The following TAF6 variants were observed in gnomAD, a reference collection of about 807,000 sequenced individuals.
TAF6 encodes the protein transcription initiation factor TFIID subunit 6.
A neutral mutation model predicts 73.5 loss-of-function variants in TAF6; 50 were observed. The ratio of observed to expected loss-of-function variants is 0.68; its 90% CI spans 0.54 to 0.86. The LOEUF (loss-of-function observed/expected upper bound fraction) is 0.86. Ranked by LOEUF, TAF6 falls within the 40% of genes least tolerant of loss-of-function variation. The pLI is 0.00. For synonymous variants in TAF6, 424 were observed against 376.7 expected (o/e 1.13, Z -1.45); for missense variants, 768 against 899.5 (o/e 0.85, Z 1.87).
At chr7:100,109,195 G>A (rs113821198) in intron 12 of TAF6, among the ~76,000 whole-genome samples, 2,609 of 151,600 alleles carry the variant, frequency 0.017, 63 homozygotes, top group African/African-American at 0.057. Flanking sequence ...ATGGTGGCGC[G>A]TGCCTGTGGT....
upstream of TAF6, chr7:100,122,515 T>A (rs761427171): frequency 1.2e-6 from 2 of 1,614,036 alleles, no homozygotes; most frequent in Non-Finnish European, 1.7e-6. Context: ...AGAGAATTTA[T>A]GTGAGCGGAT....
At chr7:100,123,542 C>T (rs944207362), upstream of TAF6, among the ~76,000 whole-genome samples, 2 of 151,824 alleles carry the variant, frequency 1.3e-5, no homozygotes, top group African/African-American at 2.4e-5. Context: ...TTTTTCAAGA[C>T]GGAGTTTCAC....
chr7:100,125,652 C>T, the TAF6 span: 2 of 152,206 alleles, frequency 1.3e-5, no homozygotes, highest in Non-Finnish European at 2.9e-5. Context: ...CACACACACA[C>T]ACACACAAAG....
At chr7:100,115,055 C>G (rs1296106844) in intron 1 of TAF6, among the ~76,000 whole-genome samples, 1 of 152,112 alleles carries the variant, frequency 6.6e-6, no homozygotes, top group Non-Finnish European at 1.5e-5. Flanking sequence ...GAGACAGAGT[C>G]TCACTATGTT....
In TAF6 at chr7:100,107,432, C is replaced by A; in HGVS notation, c.1848G>T (p.Glu616Asp). 6.2e-7 allele frequency: 1 copy of A among 1,611,036 alleles called. No homozygotes were observed. Among genetic ancestry groups the A allele is most frequent in the Non-Finnish European group, 8.5e-7 (1 of 1,177,880 alleles). Residue 616 changes from glutamate (E) to aspartate (D), a missense_variant, in exon 15 of 15, where the codon GAG becomes GAT. By Grantham distance (45) the Glu-to-Asp change is conservative (BLOSUM62 2). Transcript: ENST00000453269. ...YIVVSLPPTG[E>D]GKGGPTSHPS... ...GATGGGAGGTGGGGCCTCCTTTGCC[C>A]TCCCCTGTTGGGGGAAGTGAGACCA...
At chr7:100,113,579 CCCT>C in intron 4 of TAF6, 34 bp downstream of exon 4, 1 of 1,608,840 alleles carries the variant, frequency 6.2e-7, no homozygotes, top group Non-Finnish European at 8.5e-7. Context: ...GTCCTCCTTT[CCCT>C]CCTCCCTGCC....
upstream of TAF6, among the ~76,000 whole-genome samples, chr7:100,123,341 TAAAAAA>T (rs1244231818): frequency 1.4e-5 from 2 of 138,156 alleles, no homozygotes; most frequent in African/African-American, 2.7e-5. Context: ...GACTCCATCT[TAAAAAA>T]AAAAACAAAA....
At chr7:100,108,882 G>A (rs1364226596) in intron 12 of TAF6, 1 of 193,874 alleles carries the variant, frequency 5.2e-6, no homozygotes, top group Non-Finnish European at 1.1e-5. Flanking sequence ...AAACTAGCCA[G>A]GCATGGTGGC....
At chr7:100,121,117 T>TATACA (rs1491228284), upstream of TAF6, 1 of 35,162 alleles carries the variant, frequency 2.8e-5, no homozygotes, top group Non-Finnish European at 4.9e-5. Context: ...TATATATATA[T>TATACA]TTTTTTTTTT....
At chr7:100,118,178 C>T (rs1477091311) in intron 1 of TAF6, among the ~76,000 whole-genome samples, 1 of 151,942 alleles carries the variant, frequency 6.6e-6, no homozygotes, top group Non-Finnish European at 1.5e-5. Flanking sequence ...ATGGTGAAAC[C>T]CTGTCTTTTT....
At chr7:100,123,685 T>G (rs569341028), upstream of TAF6, among the ~76,000 whole-genome samples, 19 of 152,162 alleles carry the variant, frequency 1.2e-4, no homozygotes, top group East Asian at 3.5e-3. Context: ...CACGCCCAGC[T>G]AATTTTTTGT....
At position 100,111,792 on chromosome 7, in the gene TAF6, A is replaced by G; in HGVS notation, c.836T>C (p.Leu279Pro). ...TTTCACCATACGCATCAGGTAGATG[A>G]GTAGGGCCAGGTTGTTCTGAACCAC... The part of the protein sequence containing the change: ...VNVVQNNLAL[L>P]IYLMRMVKAL... The change falls in exon 9 of 15, where the codon CTC becomes CCC. Residue 279 changes from leucine to proline, a missense_variant. Transcript: ENST00000453269. The G allele has an allele frequency of 6.2e-7, 1 of 1,614,166 alleles. No homozygotes were observed. The highest frequency in any genetic ancestry group is 8.5e-7 in the Non-Finnish European group (1 of 1,180,032).
chr7:100,112,185 C>T lies in TAF6; in HGVS notation c.643G>A (p.Glu215Lys). Reference sequence around the variant, plus strand: ...TAGAGCTGCTGCTCCACAGACAACTCGTGGATGCTCCGGGGCTTCAGTCGC... The same window carrying T: ...TAGAGCTGCTGCTCCACAGACAACTTGTGGATGCTCCGGGGCTTCAGTCGC... ...PLRLKPRSIH[E>K]LSVEQQLYYK... The change falls in exon 7 of 15, where the codon GAG (glutamate) becomes AAG (lysine). Residue 215 changes from glutamate (E) to lysine (K), a missense_variant. Physicochemically the swap from Glu to Lys is moderately conservative, Grantham distance 56 (BLOSUM62 1). This residue lies in a region of TAF6 where 78 missense variants were observed against 153.4 expected (regional missense o/e 0.51). Transcript: ENST00000453269. 2 of 1,614,170 alleles carry T rather than the reference C, an allele frequency of 1.2e-6. No homozygotes were observed. The highest frequency in any genetic ancestry group is 1.7e-6 in the Non-Finnish European group (2 of 1,180,026).
Position 100,107,600 on chromosome 7 carries a change from G to C in TAF6, c.1680C>G (p.Ala560=), listed in dbSNP as rs568825398. 3.1e-6 allele frequency: 5 copies of C among 1,613,420 alleles called. No homozygotes were observed. In the Admixed American group the frequency reaches 8.3e-5, roughly 27 times the overall value. The change falls in exon 15 of 15, where the codon GCC becomes GCG. Residue 560 remains alanine, a synonymous_variant. Transcript: ENST00000453269. ...AAGTGGTGGTGGAACCTGAGCCGGG[G>C]GCCGAGGTGCTGAGGGACAGGACCT... ...TQQVLSLSTS[A]PGSGSTTTSP...
chr7:100,114,636 C>G, intron 1 of TAF6: 1 of 418,324 alleles, frequency 2.4e-6, no homozygotes, highest in Non-Finnish European at 4.3e-6. Context: ...ACGAGAATCA[C>G]TTGAAACCAG....
At chr7:100,108,725 G>A in intron 12 of TAF6, 185 bp from the exon 13 acceptor site, 1 of 562,752 alleles carries the variant, frequency 1.8e-6, no homozygotes, top group Non-Finnish European at 3.0e-6. Context: ...AGAACACTGT[G>A]GGCTTTCTCA....
intron 9 of TAF6, 68 bp from the exon 10 acceptor site, chr7:100,111,389 G>T (rs1390457323): frequency 1.3e-6 from 2 of 1,549,050 alleles, no homozygotes; most frequent in African/African-American, 2.7e-5. Flanking sequence ...GTCTTGCTCT[G>T]TCACCCAGGC....
chr7:100,122,334 G>A, upstream of TAF6: 1 of 1,614,156 alleles, frequency 6.2e-7, no homozygotes, highest in Non-Finnish European at 8.5e-7. Flanking sequence ...CTGGAGCTGG[G>A]GCAGGTGCTG....
intron 1 of TAF6, chr7:100,116,708 A>G (rs1797704123): frequency 6.6e-6 from 1 of 152,108 alleles, no homozygotes; most frequent in African/African-American, 2.4e-5. Context: ...GCCCTTCAAA[A>G]TTACCTTCTC....
Sources: allele counts gnomAD v4.1 joint callset (sites outside exome capture counted in the v4.1 genomes callset), GRCh38; gene constraint gnomAD v4.1.1; regional missense constraint gnomAD v4.1.1; transcripts MANE v1.5; gene names NCBI Gene and HGNC (gene_info 2026-07-23, HGNC 2026-07-21).